GABRG3: variants seen among roughly 807,000 people sequenced by gnomAD.
The protein encoded by GABRG3 is gamma-aminobutyric acid type A receptor subunit gamma3.
In GABRG3, 25 loss-of-function variants were observed where a neutral mutation model predicts 48.8. The observed-to-expected ratio is 0.51, with a 90% CI of 0.37 to 0.72. GABRG3 has a LOEUF of 0.72. Among genes scored for constraint, GABRG3 ranks in the 30% least tolerant of loss-of-function variants. The probability of loss-of-function intolerance (pLI) is 0.00; values close to 1 mark genes in which losing one functional copy is unlikely to be tolerated. For missense variants in GABRG3, 394 were observed against 577.9 expected, an observed-to-expected ratio of 0.68 and a Z score of 3.26; for synonymous variants, 227 against 217.6, an observed-to-expected ratio of 1.04 and a Z score of -0.38.
chr15:27,276,579 T>C (rs1158810544), intron 3 of GABRG3, among the ~76,000 whole-genome samples: 1 of 151,988 alleles, frequency 6.6e-6, no homozygotes, highest in Non-Finnish European at 1.5e-5. Context: ...TATTAAGAAA[T>C]AAATAAGGCT....
At chr15:27,317,450 T>A (rs1893269672) in intron 3 of GABRG3, among the ~76,000 whole-genome samples, 1 of 152,182 alleles carries the variant, frequency 6.6e-6, no homozygotes, top group Admixed American at 6.5e-5. Context: ...GGCCACTGTT[T>A]CTCTTTATCT....
chr15:27,288,304 C>CT (rs987198623), intron 3 of GABRG3, among the ~76,000 whole-genome samples: 2 of 151,994 alleles, frequency 1.3e-5, no homozygotes, highest in African/African-American at 4.8e-5. Context: ...TCATTGTGTA[C>CT]TTTATTTCTA....
At chr15:27,067,857 C>A (rs1420403855) in intron 3 of GABRG3, among the ~76,000 whole-genome samples, 1 of 152,162 alleles carries the variant, frequency 6.6e-6, no homozygotes, top group East Asian at 1.9e-4. Flanking sequence ...ATCAGGAGAT[C>A]TAACAGCTTT....
chr15:27,275,872 G>T (rs1331216462), intron 3 of GABRG3, among the ~76,000 whole-genome samples: 1 of 152,172 alleles, frequency 6.6e-6, no homozygotes, highest in East Asian at 1.9e-4. Flanking sequence ...GAGAGCAAAT[G>T]ACAATGAGCA....
chr15:27,410,333 A>G lies in GABRG3; in HGVS notation c.575-70317A>G, dbSNP rs551581505. The stretch of plus-strand genomic sequence containing the variant: ...TTAAAATCATTTTTCATCTCAATTT[A>G]TAAAAGATACTATAGTTTTTTTGTA... On this transcript the variant is annotated intron_variant, in intron 5 of 9. Transcript: ENST00000615808. Among the ~76,000 whole-genome samples, 36 of 152,310 alleles carry G rather than the reference A, an allele frequency of 2.4e-4. No individual in the cohort carries two copies. The South Asian group carries it at 7.4e-3, about 32-fold the overall frequency.
chr15:27,079,701 T>C (rs1260646301), intron 3 of GABRG3, among the ~76,000 whole-genome samples: 2 of 152,080 alleles, frequency 1.3e-5, no homozygotes, highest in East Asian at 1.9e-4. Context: ...ATTAAAAAAA[T>C]AATAACATTG....
chr15:27,294,004 C>T (rs764157094), intron 3 of GABRG3, among the ~76,000 whole-genome samples: 3 of 151,948 alleles, frequency 2.0e-5, no homozygotes, highest in South Asian at 2.1e-4. Context: ...GAATTTAGAG[C>T]GGAAAGGTGG....
chr15:27,397,561 A>G, intron 5 of GABRG3, among the ~76,000 whole-genome samples: 1 of 152,032 alleles, frequency 6.6e-6, no homozygotes, highest in Non-Finnish European at 1.5e-5. Flanking sequence ...TGCCAGATTG[A>G]GGGCGTATTC....
chr15:27,398,666 GCA>G (rs111910385), intron 5 of GABRG3, among the ~76,000 whole-genome samples: 75 of 146,902 alleles, frequency 5.1e-4, no homozygotes, highest in African/African-American at 7.5e-4. Context: ...ACAAGCGCGC[GCA>G]CACACACACA....
At chr15:27,265,603 C>T (rs1890892731) in intron 3 of GABRG3, among the ~76,000 whole-genome samples, 1 of 152,140 alleles carries the variant, frequency 6.6e-6, no homozygotes, top group African/African-American at 2.4e-5. Flanking sequence ...CATGAACAGA[C>T]ACAGGTCTTC....
At position 26,975,126 on chromosome 15, in the gene GABRG3, C is replaced by T. The variant is rs1894915596; in HGVS notation, c.54-1876C>T. 6.6e-6 allele frequency among the ~76,000 whole-genome samples: 1 copy of T among 152,108 alleles called. No individual in the cohort carries two copies. Among genetic ancestry groups the T allele is most frequent in the South Asian group, 2.1e-4 (1 of 4,826 alleles). On this transcript the variant is annotated intron_variant, in intron 1 of 9. Transcript: ENST00000615808. The surrounding 1 kb of genome is among the most constrained non-coding windows in gnomAD (Gnocchi z 4.6). Reference sequence around the variant, plus strand: ...TCCTGACCTCAGATGACCCACCCGCCTTGGCTTCCCAAAGTGTTGGGATTA... The same window carrying T: ...TCCTGACCTCAGATGACCCACCCGCTTTGGCTTCCCAAAGTGTTGGGATTA...
At chr15:27,192,642 G>A (rs1283257010) in intron 3 of GABRG3, among the ~76,000 whole-genome samples, 1 of 152,130 alleles carries the variant, frequency 6.6e-6, no homozygotes, top group Non-Finnish European at 1.5e-5. Context: ...TGTTTTCAAA[G>A]TTTTTAATTT....
chr15:27,178,666 T>C (rs1887824551), intron 3 of GABRG3, among the ~76,000 whole-genome samples: 1 of 152,172 alleles, frequency 6.6e-6, no homozygotes, highest in Non-Finnish European at 1.5e-5. Context: ...CAACAAAATA[T>C]GGACAGTTGT....
chr15:27,485,137 A>G (rs1439902191), intron 6 of GABRG3, among the ~76,000 whole-genome samples: 1 of 152,200 alleles, frequency 6.6e-6, no homozygotes, highest in Admixed American at 6.5e-5. Context: ...ATCGGTGAAC[A>G]TGGTCAGTGA....
chr15:27,501,842 T>C (rs571332807), intron 6 of GABRG3, among the ~76,000 whole-genome samples: 143 of 152,242 alleles, frequency 9.4e-4, no homozygotes, highest in Non-Finnish European at 1.7e-3. Context: ...GTTTGTCATA[T>C]TGGAATCACC....
intron 2 of GABRG3, among the ~76,000 whole-genome samples, chr15:27,020,578 A>ATT (rs35179540): frequency 1.3e-5 from 2 of 149,000 alleles, no homozygotes; most frequent in South Asian, 2.1e-4. Flanking sequence ...CGCCCGGCTA[A>ATT]TTTTTTTTTT....
intron 3 of GABRG3, among the ~76,000 whole-genome samples, chr15:27,056,374 GA>G (rs1566922510): frequency 1.5e-5 from 2 of 137,546 alleles, no homozygotes; most frequent in African/African-American, 2.7e-5. Context: ...AAAAAAAAAA[GA>G]AAAGAAAAAA....
chr15:27,046,011 G>C (rs1245464531), intron 3 of GABRG3, among the ~76,000 whole-genome samples: 1 of 152,208 alleles, frequency 6.6e-6, no homozygotes, highest in Non-Finnish European at 1.5e-5. Flanking sequence ...AGAGAGCTCC[G>C]AGTTCCGAGG....
rs554741144 is a variant in GABRG3, at chr15:27,258,069, C to T, written c.271-68740C>T. On this transcript the variant is annotated intron_variant, in intron 3 of 9. Transcript: ENST00000615808. Reference sequence around the variant, plus strand: ...GGATTCCCCACAGCTTCCTTGGAAACGCCCTGCTGTCCTTGCTAATGGGTA... The same window carrying T: ...GGATTCCCCACAGCTTCCTTGGAAATGCCCTGCTGTCCTTGCTAATGGGTA... 3.3e-5 allele frequency among the ~76,000 whole-genome samples: 5 copies of T among 152,262 alleles called. 1 individual carries two copies. The highest frequency in any genetic ancestry group is 7.4e-5 in the Non-Finnish European group (5 of 68,010).
Sources: gnomAD v4.1 joint callset for allele counts (sites outside exome capture counted in the v4.1 genomes callset) on GRCh38, gnomAD v4.1.1 for gene constraint, Gnocchi (gnomAD v3.1) non-coding constraint, MANE v1.5 for transcripts, NCBI Gene and HGNC (gene_info 2026-07-23, HGNC 2026-07-21) for gene names.